The following YES1 variants were observed in gnomAD, a reference collection of about 807,000 sequenced individuals.
YES1 encodes YES proto-oncogene 1, Src family tyrosine kinase.
YES1 carries 39 observed loss-of-function variants against 70.4 expected under a neutral mutation model. The observed-to-expected ratio is 0.55, with a 90% CI of 0.43 to 0.72. The LOEUF is 0.72. Among genes scored for constraint, YES1 ranks in the 30% least tolerant of loss-of-function variants. The probability of loss-of-function intolerance (pLI) is 0.00; values close to 1 mark genes in which losing one functional copy is unlikely to be tolerated. For missense variants in YES1, 495 were observed against 644.8 expected (o/e 0.77, Z 2.52); for synonymous variants, 198 against 218.6 (o/e 0.91, Z 0.83).
In YES1 at chr18:795,912, A is replaced by ACAC. The variant is rs1906519608; in HGVS notation, c.-9+16201_-9+16202insGTG. ...TTCAGCACATGTATCCCAGAACTTA[A>ACAC]ACACACACACACACACACACACACA... On this transcript the variant is annotated intron_variant, in intron 1 of 11. Coordinates refer to ENST00000314574, the MANE Select transcript of YES1 (RefSeq NM_005433.4). 4.1e-5 allele frequency among the ~76,000 whole-genome samples: 6 copies of ACAC among 144,696 alleles called. No individual in the cohort carries two copies. The East Asian group carries it at 1.2e-3, about 29-fold the overall frequency. The allele number at this position is 144,696 out of a possible 152,430, so 94.9% of individuals were successfully genotyped here.
intron 1 of YES1, among the ~76,000 whole-genome samples, chr18:801,769 C>T (rs1312625356): frequency 1.3e-5 from 2 of 152,032 alleles, no homozygotes; most frequent in African/African-American, 4.8e-5. Context: ...TATAAAAGGG[C>T]AACACTTGAA....
At chr18:766,283 T>G (rs1427716890) in intron 1 of YES1, among the ~76,000 whole-genome samples, 2 of 152,140 alleles carry the variant, frequency 1.3e-5, no homozygotes, top group African/African-American at 4.8e-5. Flanking sequence ...TCCCCACTTG[T>G]AAAGAGGAAT....
At chr18:800,826 G>A in intron 1 of YES1, among the ~76,000 whole-genome samples, 1 of 152,032 alleles carries the variant, frequency 6.6e-6, no homozygotes, top group East Asian at 1.9e-4. Flanking sequence ...GGTCGGGGAG[G>A]ATCATGCTCG....
chr18:809,081 A>C (rs1209674815), intron 1 of YES1, among the ~76,000 whole-genome samples: 2 of 152,330 alleles, frequency 1.3e-5, no homozygotes, highest in Admixed American at 6.5e-5. Context: ...TTTCAGAAAA[A>C]CAGAGTATTT....
chr18:780,362 A>C (rs1327477901), intron 1 of YES1, among the ~76,000 whole-genome samples: 1 of 152,180 alleles, frequency 6.6e-6, no homozygotes, highest in African/African-American at 2.4e-5. Context: ...TTACTAAAGG[A>C]TAAATGGATT....
intron 1 of YES1, among the ~76,000 whole-genome samples, chr18:803,550 G>C (rs1367911603): frequency 1.3e-5 from 2 of 152,174 alleles, no homozygotes; most frequent in Non-Finnish European, 2.9e-5. Context: ...GTCCTATAGG[G>C]TTAGAGTATG....
chr18:790,092 C>T lies in YES1; in HGVS notation c.-9+22022G>A, dbSNP rs540402423. Among the ~76,000 whole-genome samples the T allele has an allele frequency of 4.0e-5, 6 of 151,510 alleles. No individual in the cohort carries two copies. The East Asian group carries it at 1.2e-3, about 30-fold the overall frequency. On this transcript the variant is annotated intron_variant, in intron 1 of 11. Coordinates refer to ENST00000314574, the MANE Select transcript of YES1 (RefSeq NM_005433.4). ...ATAAAATAAAATAAACAAAAGATTC[C>T]CGGCTGAGTGCAGTGGCTCATGCCT...
chr18:753,941 T>C (rs1263517745), intron 2 of YES1, among the ~76,000 whole-genome samples: 2 of 152,208 alleles, frequency 1.3e-5, no homozygotes, highest in African/African-American at 4.8e-5. Flanking sequence ...AGTCCATTAC[T>C]AGTGCTATCA....
intron 1 of YES1, among the ~76,000 whole-genome samples, chr18:801,866 A>C (rs1906841173): frequency 1.3e-5 from 2 of 152,230 alleles, no homozygotes; most frequent in South Asian, 4.1e-4. Flanking sequence ...TTGATTGGGA[A>C]AACATGCTCT....
chr18:764,850 A>G (rs1904790296), intron 1 of YES1, among the ~76,000 whole-genome samples: 2 of 151,684 alleles, frequency 1.3e-5, no homozygotes, highest in South Asian at 2.1e-4. Context: ...CTCCTGCCTC[A>G]GCCTCCCGAG....
At chr18:796,628 G>A (rs1449153351) in intron 1 of YES1, among the ~76,000 whole-genome samples, 10 of 152,236 alleles carry the variant, frequency 6.6e-5, no homozygotes, top group South Asian at 2.1e-4. Flanking sequence ...TTAGCCGGGC[G>A]TGGTGGCAGG....
chr18:799,660 G>A (rs754971910), intron 1 of YES1, among the ~76,000 whole-genome samples: 20 of 152,070 alleles, frequency 1.3e-4, no homozygotes, highest in African/African-American at 2.4e-4. Flanking sequence ...CTGAGATCGC[G>A]CCACTGCATT....
At position 743,051 on chromosome 18, in the gene YES1, T is replaced by C; in HGVS notation, c.927A>G (p.Pro309=). 6.2e-7 allele frequency: 1 copy of C among 1,607,094 alleles called. No homozygotes were observed. Among genetic ancestry groups the C allele is most frequent in the African/African-American group, 1.3e-5 (1 of 74,602 alleles). The change falls in exon 8 of 12, where the codon CCA becomes CCG. Residue 309 remains proline (P), a synonymous_variant. Coordinates refer to ENST00000314574, the MANE Select transcript of YES1 (RefSeq NM_005433.4). ...TTKVAIKTLK[P]GTMMPEAFLQ... is the part of the protein sequence containing the mutation. ...GGAAAGCTTCTGGCATCATTGTACC[T>C]GGTTTTAGTGTTTTGATTGCTACTT...
rs1315949030 is a variant in YES1 at position 743,440 on chromosome 18, G to A, written c.725-25C>T. 3.8e-6 allele frequency: 6 copies of A among 1,569,182 alleles called. No homozygotes were observed. In the Middle Eastern group the frequency reaches 1.0e-3, roughly 270 times the overall value. On this transcript the variant is annotated intron_variant, in intron 6 of 11. Transcript: ENST00000314574. ...TCTAGATAAATGAATAAACTATACT[G>A]TAATATCAATTACAAAAATTAAGGG...
intron 1 of YES1, among the ~76,000 whole-genome samples, chr18:804,909 G>A (rs1213803255): frequency 2.6e-3 from 1 of 386 alleles, no homozygotes; most frequent in South Asian, 0.056. Context: ...GTGAGACTCT[G>A]ACTCAAAAAA....
At chr18:752,922 G>GAC (rs1322049430) in intron 2 of YES1, among the ~76,000 whole-genome samples, 2 of 152,084 alleles carry the variant, frequency 1.3e-5, no homozygotes, top group Admixed American at 1.3e-4. Context: ...TAGCCTGGGT[G>GAC]ACACAGCAAG....
chr18:751,093 G>A (rs2080336534), intron 3 of YES1, among the ~76,000 whole-genome samples: 1 of 152,156 alleles, frequency 6.6e-6, no homozygotes, highest in Non-Finnish European at 1.5e-5. Context: ...ACAATAACTG[G>A]TAGCAGATGG....
intron 1 of YES1, among the ~76,000 whole-genome samples, chr18:764,080 A>C (rs1904740446): frequency 6.6e-6 from 1 of 150,970 alleles, no homozygotes; most frequent in Non-Finnish European, 1.5e-5. Flanking sequence ...AGATCACACC[A>C]CTGCACTCCA....
intron 10 of YES1, among the ~76,000 whole-genome samples, chr18:734,171 C>A (rs62088288): frequency 1.6e-4 from 24 of 151,806 alleles, no homozygotes; most frequent in Non-Finnish European, 1.8e-4. Context: ...CCCAGCTACT[C>A]GGGAGGCTGA....
Sources: allele counts gnomAD v4.1 joint callset (sites outside exome capture counted in the v4.1 genomes callset), GRCh38; gene constraint gnomAD v4.1.1; transcripts MANE v1.5; gene names NCBI Gene and HGNC (gene_info 2026-07-23, HGNC 2026-07-21).